The following PRKN variants were observed in gnomAD, a reference collection of about 807,000 sequenced individuals.
PRKN encodes the protein parkin RBR E3 ubiquitin protein ligase, also known as E3 ubiquitin-protein ligase parkin.
PRKN carries 56 observed loss-of-function variants against 59.5 expected under a neutral mutation model. That is an observed-to-expected ratio of 0.94 (90% CI 0.76 to 1.18). The LOEUF (loss-of-function observed/expected upper bound fraction) is 1.18. Among genes scored for constraint, PRKN ranks in the 50% most tolerant of loss-of-function variants. The probability of loss-of-function intolerance (pLI) is 0.00; values close to 1 mark genes in which losing one functional copy is unlikely to be tolerated. For synonymous variants in PRKN, 250 were observed against 222.1 expected (o/e 1.13, Z -1.12); for missense variants, 657 against 596.4 (o/e 1.10, Z -1.06).
intron 2 of PRKN, among the ~76,000 whole-genome samples, chr6:162,398,976 G>T (rs1787625689): frequency 6.6e-6 from 1 of 152,080 alleles, no homozygotes; most frequent in South Asian, 2.1e-4. Context: ...TTCTTCACAT[G>T]ACTTAAAACA....
At chr6:162,043,968 C>A (rs977318006) in intron 5 of PRKN, among the ~76,000 whole-genome samples, 2 of 152,142 alleles carry the variant, frequency 1.3e-5, no homozygotes, top group Non-Finnish European at 2.9e-5. Context: ...CCAATAAATA[C>A]AAGAAAAGAG....
intron 9 of PRKN, among the ~76,000 whole-genome samples, chr6:161,433,019 G>A (rs1252139736): frequency 2.0e-5 from 3 of 151,892 alleles, no homozygotes; most frequent in Non-Finnish European, 2.9e-5. Context: ...ATGGCAAAGG[G>A]CAAAAAATAC....
chr6:162,390,396 T>TATATATATATACACAC (rs1180636201), intron 2 of PRKN, among the ~76,000 whole-genome samples: 4 of 84,118 alleles, frequency 4.8e-5, no homozygotes, highest in African/African-American at 9.0e-5. Flanking sequence ...TATATATATA[T>TATATATATATACACAC]ACACACACAC....
intron 6 of PRKN, among the ~76,000 whole-genome samples, chr6:161,808,403 A>G (rs914028866): frequency 2.6e-5 from 4 of 152,218 alleles, no homozygotes; most frequent in Non-Finnish European, 5.9e-5. Flanking sequence ...TGCTTAACTG[A>G]ACACTAAAGT....
chr6:161,913,935 A>C (rs1778459389), intron 6 of PRKN, among the ~76,000 whole-genome samples: 1 of 152,166 alleles, frequency 6.6e-6, no homozygotes, highest in Non-Finnish European at 1.5e-5. Context: ...GCTGTCAATA[A>C]ACCACGAAGA....
chr6:162,656,339 G>A (rs989868841), intron 1 of PRKN, among the ~76,000 whole-genome samples: 14 of 152,114 alleles, frequency 9.2e-5, no homozygotes, highest in African/African-American at 2.9e-4. Flanking sequence ...GTGGCCCTAC[G>A]CAGCCACTAC....
intron 6 of PRKN, among the ~76,000 whole-genome samples, chr6:161,921,596 C>T (rs547603789): frequency 2.0e-5 from 3 of 152,248 alleles, no homozygotes; most frequent in African/African-American, 7.2e-5. Context: ...TGTCACTAGG[C>T]GATAGGAATT....
intron 3 of PRKN, among the ~76,000 whole-genome samples, chr6:162,221,020 C>T (rs1351416759): frequency 1.3e-5 from 2 of 152,244 alleles, no homozygotes; most frequent in Middle Eastern, 3.4e-3. Context: ...GAGTGAAGAG[C>T]GGAGAATGGT....
At chr6:162,695,167 T>C (rs747938671) in intron 1 of PRKN, 2 of 152,092 alleles carry the variant, frequency 1.3e-5, no homozygotes, top group Non-Finnish European at 1.5e-5. Flanking sequence ...TTCCTGAAAA[T>C]ACTGTATTCT....
At chr6:161,946,426 T>A (rs868356485) in intron 6 of PRKN, among the ~76,000 whole-genome samples, 31,856 of 129,910 alleles carry the variant, frequency 0.25, 4,183 homozygotes, top group East Asian at 0.37. Context: ...TCTCTCTCTC[T>A]CTCTCTCTCT....
chr6:162,090,699 G>A (rs927359676), intron 4 of PRKN, among the ~76,000 whole-genome samples: 1 of 152,166 alleles, frequency 6.6e-6, no homozygotes, highest in African/African-American at 2.4e-5. Context: ...ACTTTGCAAT[G>A]ATGTAGGACG....
intron 1 of PRKN, among the ~76,000 whole-genome samples, chr6:162,526,708 T>C (rs776438672): frequency 6.6e-5 from 10 of 151,352 alleles, no homozygotes; most frequent in Non-Finnish European, 1.2e-4. Context: ...TGGTAGAAGA[T>C]AGCTAGATGG....
At chr6:161,408,911 C>G (rs60815343) in intron 9 of PRKN, among the ~76,000 whole-genome samples, 4,018 of 152,216 alleles carry the variant, frequency 0.026, 187 homozygotes, top group African/African-American at 0.093. Flanking sequence ...TGCAGCAAGA[C>G]TTGCAGATGC....
chr6:162,411,389 G>A (rs995979608), intron 2 of PRKN, among the ~76,000 whole-genome samples: 1 of 152,108 alleles, frequency 6.6e-6, no homozygotes, highest in Non-Finnish European at 1.5e-5. Flanking sequence ...GGACCACTTA[G>A]ACAGCACAGT....
chr6:162,539,689 C>T (rs988905340), intron 1 of PRKN, among the ~76,000 whole-genome samples: 1 of 152,138 alleles, frequency 6.6e-6, no homozygotes, highest in African/African-American at 2.4e-5. Flanking sequence ...GCCCCAATAA[C>T]AGAAGAAAAT....
rs1260958506 is a variant in PRKN at position 161,402,474 on chromosome 6, A to G, written c.1084-15597T>C. The stretch of plus-strand genomic sequence containing the variant: ...ATGCCACAGACATTGCTGCCTCTCT[A>G]CTAATAAATAGCTTTTTGGTCCCAT... On this transcript the variant is annotated intron_variant, in intron 9 of 11. Coordinates refer to ENST00000366898, the MANE Select transcript of PRKN (RefSeq NM_004562.3). The surrounding 1 kb of genome is among the most constrained non-coding windows in gnomAD (Gnocchi z 4.5). Among the ~76,000 whole-genome samples, 2 of 152,182 alleles carry G rather than the reference A, an allele frequency of 1.3e-5. No individual in the cohort carries two copies. Among genetic ancestry groups the G allele is most frequent in the South Asian group, 2.1e-4 (1 of 4,828 alleles).
intron 2 of PRKN, among the ~76,000 whole-genome samples, chr6:162,407,547 T>C (rs1288555114): frequency 6.6e-6 from 1 of 152,174 alleles, no homozygotes; most frequent in Non-Finnish European, 1.5e-5. Flanking sequence ...CACCATCTGA[T>C]TTCATGCGTC....
chr6:162,469,361 GGT>G (rs767589530), intron 1 of PRKN, among the ~76,000 whole-genome samples: 21,604 of 133,158 alleles, frequency 0.16, 2,326 homozygotes, highest in Middle Eastern at 0.2. Flanking sequence ...GGGGGGGGTG[GGT>G]GACAGAGGAA....
intron 1 of PRKN, among the ~76,000 whole-genome samples, chr6:162,546,168 A>G (rs1287016755): frequency 7.6e-6 from 1 of 131,378 alleles, no homozygotes; most frequent in Non-Finnish European, 1.5e-5. Context: ...CAGTGGCGTG[A>G]TCTCAGCTCA....
Sources: allele counts gnomAD v4.1 joint callset (sites outside exome capture counted in the v4.1 genomes callset), GRCh38; gene constraint gnomAD v4.1.1; non-coding constraint Gnocchi (gnomAD v3.1); transcripts MANE v1.5; gene names NCBI Gene and HGNC (gene_info 2026-07-23, HGNC 2026-07-21).